The following SGPL1 variants were observed in gnomAD, a reference collection of about 807,000 sequenced individuals.
SGPL1 encodes SP-lyase 1.
A neutral mutation model predicts 68.9 loss-of-function variants in SGPL1; 37 were observed. That is an observed-to-expected ratio of 0.54 (90% confidence interval 0.41 to 0.71). The LOEUF is 0.71. Ranked by LOEUF, SGPL1 falls within the 30% of genes least tolerant of loss-of-function variation. The probability of loss-of-function intolerance (pLI) is 0.00; values close to 1 mark genes in which losing one functional copy is unlikely to be tolerated. For missense variants in SGPL1, 551 were observed against 704.6 expected (o/e 0.78, Z 2.47); for synonymous variants, 236 against 248.5 (o/e 0.95, Z 0.47).
chr10:70,845,412 A>C (rs1474761258), intron 3 of SGPL1, among the ~76,000 whole-genome samples: 1 of 152,100 alleles, frequency 6.6e-6, no homozygotes, highest in Non-Finnish European at 1.5e-5. Flanking sequence ...GGCTGTGGGG[A>C]TATCTGCACA....
At chr10:70,836,510 C>A (rs771378104) in intron 2 of SGPL1, among the ~76,000 whole-genome samples, 1 of 151,660 alleles carries the variant, frequency 6.6e-6, no homozygotes, top group Non-Finnish European at 1.5e-5. Context: ...TTCTTTTTCC[C>A]CTTCCTTTCC....
intron 12 of SGPL1, 77 bp downstream of exon 12, chr10:70,873,666 A>G: frequency 9.4e-7 from 1 of 1,063,424 alleles, no homozygotes; most frequent in Non-Finnish European, 1.5e-6. Flanking sequence ...TGCCTGGCTA[A>G]GTATCCATAG....
chr10:70,858,960 CCAGA>C (rs1846005868), intron 6 of SGPL1, among the ~76,000 whole-genome samples: 1 of 152,170 alleles, frequency 6.6e-6, no homozygotes, highest in Admixed American at 6.5e-5. Flanking sequence ...CTGCTTTGTG[CCAGA>C]CACTCTACTA....
chr10:70,863,746 C>T lies in SGPL1; in HGVS notation c.615+4247C>T, dbSNP rs1846126665. 5.3e-5 allele frequency among the ~76,000 whole-genome samples: 8 copies of T among 152,302 alleles called. No individual in the cohort carries two copies. In the South Asian group the frequency reaches 1.7e-3, roughly 32 times the overall value. ...CTTGTTACACATTCTTGAAAGATTGCTATTTTTCTTTACTTGAACATCAGG... is the reference window on the plus strand; with the variant it reads ...CTTGTTACACATTCTTGAAAGATTGTTATTTTTCTTTACTTGAACATCAGG... On this transcript the variant is annotated intron_variant, in intron 7 of 14. Transcript: ENST00000373202.
chr10:70,859,815 A>G (rs2131913721), intron 7 of SGPL1, among the ~76,000 whole-genome samples: 1 of 152,236 alleles, frequency 6.6e-6, no homozygotes. Flanking sequence ...ACCTACATTG[A>G]GTTGCTAGGA....
intron 2 of SGPL1, among the ~76,000 whole-genome samples, chr10:70,835,460 G>A (rs918514578): frequency 1.3e-5 from 2 of 152,156 alleles, no homozygotes; most frequent in African/African-American, 4.8e-5. Flanking sequence ...AGAAGAGGCC[G>A]GGTGCGGTGG....
At chr10:70,875,231 C>A (rs962836295) in intron 12 of SGPL1, among the ~76,000 whole-genome samples, 171 bp from the exon 13 acceptor site, 1 of 152,144 alleles carries the variant, frequency 6.6e-6, no homozygotes, top group East Asian at 1.9e-4. Context: ...TCAGTAAGAA[C>A]CACTGATCCA....
At chr10:70,820,737 T>C (rs1845323466) in intron 2 of SGPL1, among the ~76,000 whole-genome samples, 1 of 151,940 alleles carries the variant, frequency 6.6e-6, no homozygotes, top group South Asian at 2.1e-4. Context: ...GCTGCACCAT[T>C]ACACTCCAGC....
intron 2 of SGPL1, among the ~76,000 whole-genome samples, chr10:70,840,789 TAGTG>T (rs1042789011): frequency 2.0e-5 from 3 of 152,194 alleles, no homozygotes; most frequent in South Asian, 2.1e-4. Flanking sequence ...TTTTAAATGT[TAGTG>T]AGGAATGTCT....
At chr10:70,850,112 G>A (rs775652458) in intron 3 of SGPL1, among the ~76,000 whole-genome samples, 2 of 152,188 alleles carry the variant, frequency 1.3e-5, no homozygotes, top group Non-Finnish European at 2.9e-5. Context: ...TGATCGACAG[G>A]ATTTGTATTC....
chr10:70,841,398 G>T (rs946722129), intron 2 of SGPL1, among the ~76,000 whole-genome samples: 1 of 152,188 alleles, frequency 6.6e-6, no homozygotes, highest in South Asian at 2.1e-4. Flanking sequence ...ATTTCTCTCA[G>T]TTCTGGAGGC....
chr10:70,850,169 T>TG, intron 3 of SGPL1, among the ~76,000 whole-genome samples: 1 of 152,314 alleles, frequency 6.6e-6, no homozygotes, highest in Middle Eastern at 3.4e-3. Flanking sequence ...CTGGCATCTG[T>TG]GATTTTTCAA....
In SGPL1 at chr10:70,851,180, C is replaced by T; in HGVS notation, c.231C>T (p.Leu77=). ...WSRFKKKCFK[L]TRKMPIIGRK... Reference sequence around the variant, plus strand: ...GGTTTAAAAAGAAATGTTTTAAGCTCACCAGGAAGATGCCCATTATTGGTC... The same window carrying T: ...GGTTTAAAAAGAAATGTTTTAAGCTTACCAGGAAGATGCCCATTATTGGTC... The change falls in exon 4 of 15, where the codon CTC becomes CTT. Residue 77 remains leucine, a synonymous_variant. Coordinates refer to ENST00000373202, the MANE Select transcript of SGPL1 (RefSeq NM_003901.4). The T allele has an allele frequency of 5.6e-6, 9 of 1,613,770 alleles. No individual in the cohort carries two copies. The highest frequency in any genetic ancestry group is 5.3e-5 in the African/African-American group (4 of 75,002).
intron 2 of SGPL1, among the ~76,000 whole-genome samples, chr10:70,843,463 T>G (rs1845747248): frequency 6.6e-6 from 1 of 152,194 alleles, no homozygotes; most frequent in South Asian, 2.1e-4. Context: ...TAGGGGATTG[T>G]AGATATGAAT....
At chr10:70,837,478 G>T (rs933780921) in intron 2 of SGPL1, among the ~76,000 whole-genome samples, 1 of 152,166 alleles carries the variant, frequency 6.6e-6, no homozygotes, top group Non-Finnish European at 1.5e-5. Flanking sequence ...TAATCAGAGG[G>T]TCACCAAATC....
intron 14 of SGPL1, among the ~76,000 whole-genome samples, chr10:70,876,986 T>C (rs1461738582): frequency 6.6e-6 from 1 of 152,264 alleles, no homozygotes; most frequent in African/African-American, 2.4e-5. Context: ...CTAGTCCCTT[T>C]ATGCAGAAAG....
At chr10:70,865,758 T>TA (rs1167162215) in intron 7 of SGPL1, among the ~76,000 whole-genome samples, 1 of 152,272 alleles carries the variant, frequency 6.6e-6, no homozygotes, top group African/African-American at 2.4e-5. Flanking sequence ...TTGTCTCAGT[T>TA]ACAATGATAG....
intron 2 of SGPL1, chr10:70,820,267 C>T (rs1054624250): frequency 6.6e-6 from 1 of 152,064 alleles, no homozygotes; most frequent in Non-Finnish European, 1.5e-5. Flanking sequence ...ACTTCAGATC[C>T]CTCCCTCTTG....
chr10:70,843,447 G>A (rs909466838), intron 2 of SGPL1, among the ~76,000 whole-genome samples: 3 of 152,170 alleles, frequency 2.0e-5, no homozygotes, highest in African/African-American at 7.2e-5. Context: ...TTTGTACAGG[G>A]CATTGTAGGG....
Sources: gnomAD v4.1 joint callset for allele counts (sites outside exome capture counted in the v4.1 genomes callset) on GRCh38, gnomAD v4.1.1 for gene constraint, MANE v1.5 for transcripts, NCBI Gene and HGNC (gene_info 2026-07-23, HGNC 2026-07-21) for gene names.